EML2: variants seen among roughly 807,000 people sequenced by gnomAD.
EML2 encodes EMAP like 2, also known as echinoderm microtubule-associated protein-like 2.
EML2 carries 59 observed loss-of-function variants against 84.7 expected under a neutral mutation model. The observed-to-expected ratio is 0.70, with a 90% CI of 0.56 to 0.86. EML2 has a LOEUF of 0.86. EML2 is among the 40% of genes least tolerant of loss of function. EML2 has a pLI of 0.00. For synonymous variants in EML2, 352 were observed against 348.9 expected, an observed-to-expected ratio of 1.01 and a Z score of -0.10; for missense variants, 818 against 855.6, an observed-to-expected ratio of 0.96 and a Z score of 0.55.
rs547894182 is a variant in EML2, at chr19:45,626,551, G to A, written c.741+154C>T. 2.6e-5 allele frequency among the ~76,000 whole-genome samples: 4 copies of A among 152,050 alleles called. No homozygotes were observed. The East Asian group carries it at 7.7e-4, about 29-fold the overall frequency. ...AGAGTTAAGGTGGATCATCACCATGGTATGGAGAAAGAAACTGAGGCCCCA... is the reference window on the plus strand; with the variant it reads ...AGAGTTAAGGTGGATCATCACCATGATATGGAGAAAGAAACTGAGGCCCCA... On this transcript the variant is annotated intron_variant, in intron 8 of 18. Coordinates refer to ENST00000245925, the MANE Select transcript of EML2 (RefSeq NM_012155.4).
rs1972352696 is a variant in EML2 at position 45,626,555 on chromosome 19, G to A, written c.741+150C>T. ...TTAAGGTGGATCATCACCATGGTAT[G>A]GAGAAAGAAACTGAGGCCCCAGCAG... On this transcript the variant is annotated intron_variant, in intron 8 of 18. Coordinates refer to ENST00000245925, the MANE Select transcript of EML2 (RefSeq NM_012155.4). 1.0e-5 allele frequency: 9 copies of A among 881,778 alleles called. No homozygotes were observed. In the Admixed American group the frequency reaches 2.1e-4, roughly 21 times the overall value. 54.6% of individuals were successfully genotyped at this position (881,778 alleles called of 1,614,324 possible).
upstream of EML2, among the ~76,000 whole-genome samples, chr19:45,644,542 T>G (rs865842804): frequency 4.6e-5 from 7 of 152,022 alleles, no homozygotes; most frequent in Non-Finnish European, 1.0e-4. Flanking sequence ...CTGTCAGGCC[T>G]TGGCCAGCCC....
At chr19:45,611,438 T>C (rs1432906723) in intron 18 of EML2, among the ~76,000 whole-genome samples, 1 of 151,642 alleles carries the variant, frequency 6.6e-6, no homozygotes, top group African/African-American at 2.4e-5. Flanking sequence ...AAGAAATTAA[T>C]GTTAATTAGG....
At position 45,630,054 on chromosome 19, in the gene EML2, G is replaced by A. The variant is rs775688447; in HGVS notation, c.511-8C>T. The A allele has an allele frequency of 1.2e-6, 2 of 1,603,936 alleles. No homozygotes were observed. The highest frequency in any genetic ancestry group is 2.2e-5 in the East Asian group (1 of 44,758). On this transcript the variant is annotated splice_region_variant and splice_polypyrimidine_tract_variant and intron_variant, in intron 6 of 18. Coordinates refer to ENST00000245925, the MANE Select transcript of EML2 (RefSeq NM_012155.4). ...CAGCAGGTTGCCTCCATTCTAAAGA[G>A]GAGGAGAGAGGAGGGGGACAGAGGC...
At chr19:45,643,710 C>A (rs1974805980), upstream of EML2, 1 of 1,534,176 alleles carries the variant, frequency 6.5e-7, no homozygotes, top group Non-Finnish European at 8.7e-7. Context: ...GCGCAGCTGG[C>A]CCTCTGGGCT....
At chr19:45,626,423 G>A (rs894333241) in intron 8 of EML2, among the ~76,000 whole-genome samples, 1 of 109,010 alleles carries the variant, frequency 9.2e-6, no homozygotes, top group Admixed American at 1.4e-4. Context: ...ATAGGGTCTC[G>A]TTCTATCACC....
At chr19:45,609,961 C>A (rs551358226) in intron 18 of EML2, among the ~76,000 whole-genome samples, 173 bp from the exon 19 acceptor site, 1 of 151,826 alleles carries the variant, frequency 6.6e-6, no homozygotes, top group Non-Finnish European at 1.5e-5. Flanking sequence ...CCTTGACCTC[C>A]TGGGCTGAAG....
upstream of EML2, chr19:45,642,228 A>G (rs748387565): frequency 3.8e-5 from 58 of 1,535,702 alleles, no homozygotes; most frequent in South Asian, 5.1e-4. Context: ...CCCGCAGGCG[A>G]CGCAGAGCAT....
intron 13 of EML2, among the ~76,000 whole-genome samples, chr19:45,617,279 G>A (rs1049257979): frequency 6.6e-6 from 1 of 151,942 alleles, no homozygotes. Flanking sequence ...GCCAGGTACA[G>A]TGGCGGTGGC....
upstream of EML2, chr19:45,642,552 C>G: frequency 1.4e-6 from 2 of 1,382,418 alleles, no homozygotes; most frequent in Non-Finnish European, 1.9e-6. Context: ...TCCAACCCAT[C>G]CGCACACTCC....
chr19:45,621,743 T>C, intron 9 of EML2, 106 bp from the exon 10 acceptor site: 1 of 1,293,192 alleles, frequency 7.7e-7, no homozygotes, highest in Non-Finnish European at 1.0e-6. Flanking sequence ...CTCACCCACT[T>C]TTCCACCTTT....
At chr19:45,643,676 C>T, upstream of EML2, 1 of 1,535,882 alleles carries the variant, frequency 6.5e-7, no homozygotes, top group Non-Finnish European at 8.7e-7. Context: ...GGAGCTCGCC[C>T]CTGCCATCCC....
intron 10 of EML2, 60 bp from the exon 11 acceptor site, chr19:45,621,392 A>C: frequency 6.4e-7 from 1 of 1,573,816 alleles, no homozygotes; most frequent in Non-Finnish European, 8.6e-7. Flanking sequence ...GTGGGGTGAC[A>C]TACTGTGGGG....
At chr19:45,632,993 T>A in intron 5 of EML2, 22 bp from the exon 6 acceptor site, 1 of 1,608,682 alleles carries the variant, frequency 6.2e-7, no homozygotes, top group South Asian at 1.1e-5. Context: ...AGAGGCTTGT[T>A]ACCTTGGGGG....
chr19:45,632,987 G>T lies in EML2; in HGVS notation c.400-16C>A. 2 of 1,610,986 alleles carry T rather than the reference G, an allele frequency of 1.2e-6. No homozygotes were observed. The highest frequency in any genetic ancestry group is 1.7e-6 in the Non-Finnish European group (2 of 1,179,040). ...GCGGCAGCGGCTGCAGGGAAGAGAG[G>T]CTTGTTACCTTGGGGGTGCCAGCTG... On this transcript the variant is annotated splice_polypyrimidine_tract_variant and intron_variant, in intron 5 of 18. Coordinates refer to ENST00000245925, the MANE Select transcript of EML2 (RefSeq NM_012155.4).
At chr19:45,638,061 C>G (rs978027556) in intron 3 of EML2, among the ~76,000 whole-genome samples, 2 of 152,206 alleles carry the variant, frequency 1.3e-5, no homozygotes, top group Non-Finnish European at 2.9e-5. Flanking sequence ...ATCCACCCAC[C>G]TCGGCCTCCC....
intron 15 of EML2, 55 bp from the exon 16 acceptor site, chr19:45,615,944 G>A (rs1475029247): frequency 5.2e-6 from 7 of 1,336,416 alleles, no homozygotes; most frequent in Non-Finnish European, 5.4e-6. Flanking sequence ...ACCAAGGAGA[G>A]GGGGACAGGA....
At chr19:45,616,056 AT>A in intron 15 of EML2, 167 bp from the exon 16 acceptor site, 2 of 629,686 alleles carry the variant, frequency 3.2e-6, no homozygotes, top group East Asian at 5.5e-5. Context: ...CAGGGCCAGA[AT>A]ACTGTGGGCG....
chr19:45,641,299 T>G (rs367987069), upstream of EML2: 1,192 of 243,772 alleles, frequency 4.9e-3, 5 homozygotes, highest in Middle Eastern at 7.9e-3. Flanking sequence ...ACTCTGTGGC[T>G]GCTGCCTTGA....
Sources: allele counts gnomAD v4.1 joint callset (sites outside exome capture counted in the v4.1 genomes callset), GRCh38; gene constraint gnomAD v4.1.1; transcripts MANE v1.5; gene names NCBI Gene and HGNC (gene_info 2026-07-23, HGNC 2026-07-21).